The following DPYD variants were observed in gnomAD, a reference collection of about 807,000 sequenced individuals.
DPYD encodes dihydropyrimidine dehydrogenase [NADP(+)].
In DPYD, 109 loss-of-function variants were observed where a neutral mutation model predicts 116.2. The observed-to-expected ratio is 0.94, with a 90% confidence interval of 0.80 to 1.10. The LOEUF is 1.10. Among genes scored for constraint, DPYD ranks in the 50% least tolerant of loss-of-function variants. The pLI is 0.00. For missense variants in DPYD, 1,302 were observed against 1,254.5 expected (o/e 1.04, Z -0.57); for synonymous variants, 440 against 432.0 (o/e 1.02, Z -0.23).
chr1:97,603,983 T>C (rs1362112200), intron 8 of DPYD, among the ~76,000 whole-genome samples: 2 of 152,160 alleles, frequency 1.3e-5, no homozygotes, highest in Admixed American at 6.6e-5. Context: ...AGAATCGTTC[T>C]GAATTACTCA....
intron 2 of DPYD, among the ~76,000 whole-genome samples, chr1:97,875,032 T>G (rs753177405): frequency 1.3e-5 from 2 of 151,956 alleles, no homozygotes; most frequent in Non-Finnish European, 2.9e-5. Context: ...ACATAATGAT[T>G]CATTGTTTCA....
rs76050932 is a variant in DPYD, at chr1:97,137,725, A to G, written c.2623-39093T>C. Among the ~76,000 whole-genome samples the G allele has an allele frequency of 6.0e-3, 919 of 152,302 alleles. 5 individuals are homozygous for G. The highest frequency in any genetic ancestry group is 0.021 in the African/African-American group (885 of 41,568). ...CTCAAGATGCGCTGCAAGCAGGCCTAAAGTATTTATATTGAAACTACAATG... is the reference window on the plus strand; with the variant it reads ...CTCAAGATGCGCTGCAAGCAGGCCTGAAGTATTTATATTGAAACTACAATG... On this transcript the variant is annotated intron_variant, in intron 20 of 22. Coordinates refer to ENST00000370192, the MANE Select transcript of DPYD (RefSeq NM_000110.4).
chr1:97,525,378 G>GA (rs11375210), intron 12 of DPYD, among the ~76,000 whole-genome samples: 5,039 of 150,672 alleles, frequency 0.033, 168 homozygotes, highest in African/African-American at 0.086. Context: ...AAGAAAGAAA[G>GA]AAAAAAAAAC....
intron 16 of DPYD, among the ~76,000 whole-genome samples, chr1:97,370,400 C>T (rs1671256141): frequency 6.6e-6 from 1 of 152,072 alleles, no homozygotes; most frequent in Admixed American, 6.6e-5. Context: ...AACATCATCA[C>T]ACACCGGGGC....
chr1:97,134,905 G>C (rs535054772), intron 20 of DPYD, among the ~76,000 whole-genome samples: 1 of 152,098 alleles, frequency 6.6e-6, no homozygotes, highest in Non-Finnish European at 1.5e-5. Flanking sequence ...AGTTTAAATA[G>C]AAAAAGATCT....
rs370615432 is a variant in DPYD, at chr1:97,721,651, C to T, written c.342G>A (p.Lys114=). ...CAAGTGGGTTGTCAGAAAATATCAT[C>T]TTAGCAGCTCCATAATAGTTCTGCA... ...IANKNYYGAA[K]MIFSDNPLGL... Residue 114 remains lysine, a synonymous_variant, in exon 5 of 23, where the codon AAG becomes AAA. Coordinates refer to ENST00000370192, the MANE Select transcript of DPYD (RefSeq NM_000110.4). The T allele has an allele frequency of 2.5e-6, 4 of 1,611,122 alleles. No individual in the cohort carries two copies. The highest frequency in any genetic ancestry group is 3.4e-6 in the Non-Finnish European group (4 of 1,178,094).
chr1:97,589,766 G>C lies in DPYD; in HGVS notation c.1128+3452C>G, dbSNP rs1240907292. ...TACATGTTGACATGCCTAATGGTGA[G>C]GCATTTTACTGACAAACCATGCTAT... On this transcript the variant is annotated intron_variant, in intron 10 of 22. Coordinates refer to ENST00000370192, the MANE Select transcript of DPYD (RefSeq NM_000110.4). Among the ~76,000 whole-genome samples, 3 of 152,110 alleles carry C rather than the reference G, an allele frequency of 2.0e-5. No homozygotes were observed. In the East Asian group the frequency reaches 5.8e-4, roughly 29 times the overall value.
At chr1:97,578,651 CTG>C (rs1398534078) in intron 10 of DPYD, among the ~76,000 whole-genome samples, 1 of 152,130 alleles carries the variant, frequency 6.6e-6, no homozygotes, top group African/African-American at 2.4e-5. Flanking sequence ...AATAATGAGA[CTG>C]TATGATTCTA....
chr1:97,752,321 C>CACAT (rs1204223214), intron 3 of DPYD, among the ~76,000 whole-genome samples: 1 of 146,088 alleles, frequency 6.8e-6, no homozygotes, highest in African/African-American at 2.5e-5. Flanking sequence ...CACACACACA[C>CACAT]ACATACACAC....
chr1:97,305,149 T>A, intron 18 of DPYD, 110 bp downstream of exon 18: 1 of 1,488,622 alleles, frequency 6.7e-7, no homozygotes, highest in Non-Finnish European at 9.3e-7. Context: ...TGATCAGCTA[T>A]GAGTTATAAG....
chr1:97,436,257 C>T (rs927559660), intron 14 of DPYD, among the ~76,000 whole-genome samples: 2 of 151,778 alleles, frequency 1.3e-5, no homozygotes, highest in African/African-American at 4.8e-5. Flanking sequence ...GATCGCAACA[C>T]GAATTGTTAT....
chr1:97,750,464 C>T (rs1292388920), intron 3 of DPYD, among the ~76,000 whole-genome samples: 1 of 152,082 alleles, frequency 6.6e-6, no homozygotes, highest in Non-Finnish European at 1.5e-5. Context: ...ATAGATTTTA[C>T]TTTTCACAAT....
intron 11 of DPYD, among the ~76,000 whole-genome samples, chr1:97,563,212 T>C (rs1012443947): frequency 2.0e-5 from 3 of 152,242 alleles, no homozygotes; most frequent in East Asian, 1.9e-4. Flanking sequence ...ATCTTGATTT[T>C]ACATCTCACA....
rs6670886 is a variant in DPYD, at chr1:97,699,506, C to T, written c.525G>A (p.Ser175=). 1.3e-4 allele frequency: 207 copies of T among 1,613,364 alleles called. No homozygotes were observed. The African/African-American group carries it at 2.3e-3, about 18-fold the overall frequency. ...CAGACATTTTTTCTGGGGGAGGCAG[C>T]GAAGGATTTCTGATCTGTGGGATAC... is the stretch of plus-strand genomic sequence containing the variant. The part of the protein sequence containing the change: ...AMSIPQIRNP[S]LPPPEKMSEA... Residue 175 remains serine, a synonymous_variant, in exon 6 of 23, where the codon TCG becomes TCA. Transcript: ENST00000370192.
intron 1 of DPYD, among the ~76,000 whole-genome samples, chr1:97,909,818 C>T (rs1484055198): frequency 1.3e-5 from 2 of 152,214 alleles, no homozygotes; most frequent in East Asian, 3.9e-4. Context: ...TTTCTATCTC[C>T]AGCTACGGCT....
chr1:97,672,106 G>C (rs931220440), intron 8 of DPYD, among the ~76,000 whole-genome samples: 1 of 151,734 alleles, frequency 6.6e-6, no homozygotes, highest in Non-Finnish European at 1.5e-5. Context: ...ATCAGAACAA[G>C]AAGATTCAGA....
At chr1:97,798,444 A>C (rs1204817250) in intron 3 of DPYD, among the ~76,000 whole-genome samples, 1 of 152,044 alleles carries the variant, frequency 6.6e-6, no homozygotes, top group African/African-American at 2.4e-5. Context: ...TACTCAGTGT[A>C]TGACCATGGG....
At chr1:97,760,918 C>T (rs1665539105) in intron 3 of DPYD, among the ~76,000 whole-genome samples, 1 of 152,048 alleles carries the variant, frequency 6.6e-6, no homozygotes, top group Admixed American at 6.6e-5. Flanking sequence ...TCTTCCCATG[C>T]AAGGGGTTAG....
At chr1:97,824,325 T>C (rs935208775) in intron 3 of DPYD, among the ~76,000 whole-genome samples, 2 of 152,232 alleles carry the variant, frequency 1.3e-5, no homozygotes, top group African/African-American at 2.4e-5. Flanking sequence ...TGTGTGAACA[T>C]GGTTTAGCTT....
Sources: gnomAD v4.1 joint callset for allele counts (sites outside exome capture counted in the v4.1 genomes callset) on GRCh38, gnomAD v4.1.1 for gene constraint, MANE v1.5 for transcripts, NCBI Gene and HGNC (gene_info 2026-07-23, HGNC 2026-07-21) for gene names.